CAPN8: variants seen among roughly 807,000 people sequenced by gnomAD.
The protein encoded by CAPN8 is calpain-8.
CAPN8 carries 87 observed loss-of-function variants against 80.9 expected under a neutral mutation model. The ratio of observed to expected loss-of-function variants is 1.07; its 90% confidence interval spans 0.90 to 1.28. The LOEUF (loss-of-function observed/expected upper bound fraction) is 1.28. CAPN8 is among the 50% of genes most tolerant of loss of function. CAPN8 has a pLI of 0.00. For synonymous variants in CAPN8, 299 were observed against 273.8 expected (o/e 1.09, Z -0.91); for missense variants, 757 against 702.0 (o/e 1.08, Z -0.89).
At chr1:223,614,427 G>A (rs948778113) in intron 10 of CAPN8, among the ~76,000 whole-genome samples, 2 of 152,000 alleles carry the variant, frequency 1.3e-5, no homozygotes, top group Non-Finnish European at 2.9e-5. Flanking sequence ...AGGCCTGATG[G>A]ATGAAGAACT....
intron 2 of CAPN8, among the ~76,000 whole-genome samples, chr1:223,636,897 C>A (rs1657905908): frequency 2.6e-5 from 4 of 152,074 alleles, no homozygotes; most frequent in Admixed American, 2.6e-4. Context: ...TAGTCTATCA[C>A]TAGTAAAGCT....
At chr1:223,626,380 C>G (rs1657578651) in intron 5 of CAPN8, among the ~76,000 whole-genome samples, 1 of 152,122 alleles carries the variant, frequency 6.6e-6, no homozygotes, top group Non-Finnish European at 1.5e-5. Context: ...GATCTTCTCA[C>G]TTTGTCGTTC....
At chr1:223,558,620 G>T (rs1249271847) in intron 12 of CAPN8, among the ~76,000 whole-genome samples, 1 of 151,922 alleles carries the variant, frequency 6.6e-6, no homozygotes, top group Non-Finnish European at 1.5e-5. Flanking sequence ...ATGTGTGAAT[G>T]GTATGTATAT....
At chr1:223,625,951 T>G (rs1177442086) in intron 5 of CAPN8, 63 bp from the exon 6 acceptor site, 9 of 1,377,346 alleles carry the variant, frequency 6.5e-6, no homozygotes, top group Non-Finnish European at 9.1e-6. Flanking sequence ...GGCCGTAGAA[T>G]GCTTTCCAAG....
At chr1:223,614,802 C>T (rs34016563) in intron 10 of CAPN8, among the ~76,000 whole-genome samples, 114,274 of 152,194 alleles carry the variant, frequency 0.75, 43,846 homozygotes, top group African/African-American at 0.91. Flanking sequence ...AATTGATGCG[C>T]ATACACTAAG....
chr1:223,541,946 G>A (rs1656476200), intron 20 of CAPN8, 87 bp from the exon 21 acceptor site: 2 of 1,544,650 alleles, frequency 1.3e-6, no homozygotes, highest in Non-Finnish European at 1.8e-6. Context: ...TCACATGGGT[G>A]CGATCTTTTT....
intron 20 of CAPN8, among the ~76,000 whole-genome samples, chr1:223,542,573 T>C (rs1656497334): frequency 6.6e-6 from 1 of 152,176 alleles, no homozygotes; most frequent in Non-Finnish European, 1.5e-5. Flanking sequence ...GCCTGGACCC[T>C]TGGAGACATC....
At chr1:223,635,066 G>A (rs891403372) in intron 2 of CAPN8, among the ~76,000 whole-genome samples, 5 of 152,220 alleles carry the variant, frequency 3.3e-5, no homozygotes, top group African/African-American at 9.6e-5. Flanking sequence ...TGTGCTGATT[G>A]CACATCTGAG....
At chr1:223,619,578 T>C in intron 8 of CAPN8, 125 bp from the exon 9 acceptor site, 1 of 908,630 alleles carries the variant, frequency 1.1e-6, no homozygotes, top group South Asian at 1.7e-5. Context: ...GCTTGATCTT[T>C]CCTACAGCAC....
At chr1:223,616,220 G>C in intron 9 of CAPN8, 75 bp from the exon 10 acceptor site, 1 of 1,445,596 alleles carries the variant, frequency 6.9e-7, no homozygotes, top group South Asian at 1.4e-5. Flanking sequence ...TAAAAGGGAA[G>C]AAACTTGATC....
intron 11 of CAPN8, among the ~76,000 whole-genome samples, chr1:223,610,016 G>A (rs1558338973): frequency 1.3e-5 from 2 of 152,218 alleles, no homozygotes; most frequent in South Asian, 4.1e-4. Context: ...GTTGCGGGGA[G>A]GTGGGAGGCT....
At chr1:223,664,450 C>G (rs1282754209) in intron 1 of CAPN8, among the ~76,000 whole-genome samples, 2 of 152,186 alleles carry the variant, frequency 1.3e-5, no homozygotes, top group Non-Finnish European at 2.9e-5. Flanking sequence ...GGGCACTATG[C>G]TCTGAGATTT....
chr1:223,623,041 T>A, intron 6 of CAPN8, 141 bp from the exon 7 acceptor site: 1 of 647,988 alleles, frequency 1.5e-6, no homozygotes, highest in Admixed American at 3.1e-5. Flanking sequence ...TAATGCATCT[T>A]TTCAGGCTTG....
intron 11 of CAPN8, among the ~76,000 whole-genome samples, chr1:223,610,193 G>A (rs1382781984): frequency 2.6e-5 from 4 of 152,228 alleles, no homozygotes; most frequent in East Asian, 1.9e-4. Flanking sequence ...TGCAAGGGCT[G>A]TTAACTTCTG....
chr1:223,618,179 G>A (rs1386696257), intron 9 of CAPN8: 2 of 1,527,000 alleles, frequency 1.3e-6, no homozygotes, highest in Non-Finnish European at 1.8e-6. Flanking sequence ...GAAAAGTAGA[G>A]AGAGCAGGAT....
chr1:223,657,432 A>G (rs1219134056), intron 1 of CAPN8, among the ~76,000 whole-genome samples: 2 of 152,202 alleles, frequency 1.3e-5, no homozygotes, highest in African/African-American at 2.4e-5. Context: ...AGCACACTCA[A>G]TAGGGGTTTG....
intron 9 of CAPN8, chr1:223,617,943 G>A (rs1226593015): frequency 1.6e-5 from 5 of 312,896 alleles, no homozygotes; most frequent in South Asian, 7.5e-5. Context: ...TGCCTGAACC[G>A]GGAGCTTTGG....
At chr1:223,620,387 A>T in intron 7 of CAPN8, 121 bp from the exon 8 acceptor site, 1 of 832,654 alleles carries the variant, frequency 1.2e-6, no homozygotes, top group African/African-American at 1.7e-5. Flanking sequence ...CACTGCAGGC[A>T]GACAGAAAGG....
chr1:223,546,448 A>G (rs1237364875), intron 16 of CAPN8, among the ~76,000 whole-genome samples: 1 of 152,186 alleles, frequency 6.6e-6, no homozygotes, highest in African/African-American at 2.4e-5. Flanking sequence ...TAGCCAAACA[A>G]AAAGTCCTGT....
Sources: gnomAD v4.1 joint callset for allele counts (sites outside exome capture counted in the v4.1 genomes callset) on GRCh38, gnomAD v4.1.1 for gene constraint, MANE v1.5 for transcripts, NCBI Gene and HGNC (gene_info 2026-07-23, HGNC 2026-07-21) for gene names.